The following EHBP1 variants were observed in gnomAD, a reference collection of about 807,000 sequenced individuals.
The protein encoded by EHBP1 is EH domain-binding protein 1.
A neutral mutation model predicts 144.0 loss-of-function variants in EHBP1; 55 were observed. The ratio of observed to expected loss-of-function variants is 0.38; its 90% CI spans 0.31 to 0.48. The LOEUF (loss-of-function observed/expected upper bound fraction) is 0.48. EHBP1 is among the 20% of genes least tolerant of loss of function. The pLI, the probability that EHBP1 is intolerant of heterozygous loss-of-function variation, is 0.98. For missense variants in EHBP1, 1,200 were observed against 1,364.2 expected (o/e 0.88, Z 1.90); for synonymous variants, 469 against 472.7 (o/e 0.99, Z 0.10).
intron 10 of EHBP1, among the ~76,000 whole-genome samples, chr2:62,874,790 G>C (rs573387130): frequency 1.1e-4 from 16 of 152,150 alleles, no homozygotes; most frequent in Non-Finnish European, 1.8e-4. Flanking sequence ...TCTTATAATT[G>C]TAAGATTGGT....
chr2:62,972,562 A>G (rs373574826), intron 14 of EHBP1, among the ~76,000 whole-genome samples: 2 of 152,186 alleles, frequency 1.3e-5, no homozygotes, highest in African/African-American at 4.8e-5. Flanking sequence ...TATAATTACA[A>G]GCTTTTCCTT....
At chr2:62,956,273 A>T (rs1385203999) in intron 14 of EHBP1, among the ~76,000 whole-genome samples, 2 of 152,218 alleles carry the variant, frequency 1.3e-5, no homozygotes, top group African/African-American at 2.4e-5. Flanking sequence ...TAATGAATGT[A>T]TAATAACAGG....
intron 5 of EHBP1, among the ~76,000 whole-genome samples, chr2:62,778,293 C>T (rs1381255351): frequency 3.3e-5 from 5 of 152,092 alleles, no homozygotes; most frequent in African/African-American, 1.2e-4. Flanking sequence ...AATCTTAACA[C>T]TTTGGGAGCC....
intron 9 of EHBP1, among the ~76,000 whole-genome samples, chr2:62,870,206 C>T (rs1051526891): frequency 2.0e-5 from 3 of 152,058 alleles, no homozygotes; most frequent in Admixed American, 6.5e-5. Context: ...TGTTATCTCT[C>T]TATTGTGCAT....
intron 10 of EHBP1, among the ~76,000 whole-genome samples, chr2:62,887,224 G>C (rs1291092055): frequency 1.3e-5 from 2 of 152,028 alleles, no homozygotes; most frequent in African/African-American, 4.8e-5. Context: ...CCTCCACCTA[G>C]GGAGGCTAGA....
chr2:63,005,412 C>G (rs1305932647), intron 19 of EHBP1, among the ~76,000 whole-genome samples: 1 of 152,074 alleles, frequency 6.6e-6, no homozygotes, highest in Admixed American at 6.6e-5. Flanking sequence ...GGCTGGCTTA[C>G]TGAAGTGTTA....
rs373837678 is a variant in EHBP1, at chr2:62,880,731, A to G, written c.1185+6199A>G. On this transcript the variant is annotated intron_variant, in intron 10 of 22. Transcript: ENST00000431489. ...CTGTCTCATACCAGGCAGAATGGCT[A>G]TCATTAAAAAGTCAAAAAATAACAG... is the stretch of plus-strand genomic sequence containing the variant. Among the ~76,000 whole-genome samples the G allele has an allele frequency of 1.5e-4, 23 of 152,336 alleles. No homozygotes were observed. The South Asian group carries it at 3.7e-3, about 25-fold the overall frequency.
At chr2:62,709,503 G>A (rs1248667333) in intron 2 of EHBP1, among the ~76,000 whole-genome samples, 3 of 152,156 alleles carry the variant, frequency 2.0e-5, no homozygotes, top group Non-Finnish European at 4.4e-5. Context: ...ACAGTTTGCA[G>A]CCTTCCTGGA....
intron 20 of EHBP1, 44 bp downstream of exon 20, chr2:63,037,678 A>AAT (rs759410975): frequency 8.5e-7 from 1 of 1,171,718 alleles, no homozygotes; most frequent in South Asian, 1.4e-5. Context: ...AACATTGATA[A>AAT]ATCTTAGGCC....
intron 7 of EHBP1, among the ~76,000 whole-genome samples, chr2:62,843,618 A>T (rs1418132615): frequency 6.6e-6 from 1 of 152,132 alleles, no homozygotes; most frequent in Non-Finnish European, 1.5e-5. Flanking sequence ...ATATTATGGC[A>T]GTTGTTTGGC....
chr2:62,921,548 G>GA (rs142197422), intron 10 of EHBP1, among the ~76,000 whole-genome samples: 16 of 147,610 alleles, frequency 1.1e-4, no homozygotes, highest in Admixed American at 2.0e-4. Context: ...TTTCACTCTG[G>GA]AAAAAAAAAA....
chr2:62,709,574 A>C (rs1290029931), intron 2 of EHBP1, among the ~76,000 whole-genome samples: 1 of 152,094 alleles, frequency 6.6e-6, no homozygotes, highest in East Asian at 1.9e-4. Context: ...AGTTATTGCT[A>C]ATGTGTCTAA....
At chr2:63,004,129 G>A (rs974324987) in intron 19 of EHBP1, among the ~76,000 whole-genome samples, 2 of 151,912 alleles carry the variant, frequency 1.3e-5, no homozygotes, top group African/African-American at 4.8e-5. Flanking sequence ...CCACTTTTCT[G>A]TACATAACTT....
At chr2:62,904,484 C>G (rs1300313471) in intron 10 of EHBP1, among the ~76,000 whole-genome samples, 1 of 152,164 alleles carries the variant, frequency 6.6e-6, no homozygotes, top group Non-Finnish European at 1.5e-5. Flanking sequence ...CAAGGTTACC[C>G]CATGAGTTAG....
At chr2:62,974,197 C>G (rs2153183293) in intron 14 of EHBP1, among the ~76,000 whole-genome samples, 1 of 152,192 alleles carries the variant, frequency 6.6e-6, no homozygotes, top group African/African-American at 2.4e-5. Flanking sequence ...ACAATATACA[C>G]TTCAGGAAGC....
chr2:62,939,626 T>C (rs990649019), intron 10 of EHBP1, among the ~76,000 whole-genome samples: 2 of 152,034 alleles, frequency 1.3e-5, no homozygotes, highest in Non-Finnish European at 2.9e-5. Context: ...GAAGATTGCA[T>C]TGGAGTTAAC....
intron 1 of EHBP1, among the ~76,000 whole-genome samples, chr2:62,684,814 A>C (rs1335632360): frequency 6.6e-6 from 1 of 152,214 alleles, no homozygotes; most frequent in African/African-American, 2.4e-5. Flanking sequence ...GGGAGAGAGG[A>C]AAAGAAAGAG....
At chr2:62,835,910 G>C (rs927392900) in intron 7 of EHBP1, among the ~76,000 whole-genome samples, 1 of 152,136 alleles carries the variant, frequency 6.6e-6, no homozygotes. Context: ...CAGCGAGGCT[G>C]GGGGAGGGGC....
At chr2:62,864,396 T>C (rs1161443198) in intron 8 of EHBP1, among the ~76,000 whole-genome samples, 1 of 152,194 alleles carries the variant, frequency 6.6e-6, no homozygotes, top group Non-Finnish European at 1.5e-5. Context: ...AATATAATTT[T>C]GCACATCTAA....
Sources: gnomAD v4.1 joint callset for allele counts (sites outside exome capture counted in the v4.1 genomes callset) on GRCh38, gnomAD v4.1.1 for gene constraint, MANE v1.5 for transcripts, NCBI Gene and HGNC (gene_info 2026-07-23, HGNC 2026-07-21) for gene names.